SHOC1: variants seen among roughly 807,000 people sequenced by gnomAD.
SHOC1 encodes the protein protein shortage in chiasmata 1 ortholog.
In SHOC1, 136 loss-of-function variants were observed where a neutral mutation model predicts 179.2. The ratio of observed to expected loss-of-function variants is 0.76; its 90% CI spans 0.66 to 0.87. The LOEUF is 0.87. Ranked by LOEUF, SHOC1 falls within the 40% of genes least tolerant of loss-of-function variation. The probability of loss-of-function intolerance (pLI) is 0.00; values close to 1 mark genes in which losing one functional copy is unlikely to be tolerated. For missense variants in SHOC1, 1,538 were observed against 1,700.8 expected (o/e 0.90, Z 1.68); for synonymous variants, 489 against 586.6 (o/e 0.83, Z 2.41).
chr9:111,743,980 C>CT lies in SHOC1; in HGVS notation c.1079+2253dup, dbSNP rs1369485466. Reference sequence around the variant, plus strand: ...TAAAACCATTAGCTAATTTGAAAGCCTTTTTTTTCTAACTTTGCCAAATCG... The same window carrying CT: ...TAAAACCATTAGCTAATTTGAAAGCCTTTTTTTTTCTAACTTTGCCAAATCG... On this transcript the variant is annotated intron_variant, in intron 10 of 27. Transcript: ENST00000682961. Among the ~76,000 whole-genome samples, 13 of 151,942 alleles carry CT rather than the reference C, an allele frequency of 8.6e-5. No individual in the cohort carries two copies. In the East Asian group the frequency reaches 1.9e-3, roughly 23 times the overall value.
At chr9:111,719,614 G>C (rs1474968484) in intron 15 of SHOC1, among the ~76,000 whole-genome samples, 3 of 152,104 alleles carry the variant, frequency 2.0e-5, no homozygotes, top group Admixed American at 6.6e-5. Flanking sequence ...GCTGACAATT[G>C]TTCTTTTCTA....
At chr9:111,763,648 C>T (rs1055451768) in intron 5 of SHOC1, among the ~76,000 whole-genome samples, 4 of 152,118 alleles carry the variant, frequency 2.6e-5, no homozygotes, top group African/African-American at 9.7e-5. Flanking sequence ...CATTCCTATT[C>T]TCAGGAGGCT....
intron 13 of SHOC1, among the ~76,000 whole-genome samples, chr9:111,727,153 G>A (rs1276158516): frequency 6.6e-6 from 1 of 152,136 alleles, no homozygotes; most frequent in African/African-American, 2.4e-5. Context: ...GTGGCTGTAA[G>A]CAGTGAATAT....
chr9:111,693,485 C>T (rs1388262262), intron 26 of SHOC1, among the ~76,000 whole-genome samples: 1 of 149,408 alleles, frequency 6.7e-6, no homozygotes, highest in African/African-American at 2.5e-5. Context: ...TACTTATAAT[C>T]CCAGCTACTT....
chr9:111,716,956 C>T (rs1832820759), intron 16 of SHOC1, among the ~76,000 whole-genome samples: 1 of 152,220 alleles, frequency 6.6e-6, no homozygotes. Context: ...TGTAGTGTCA[C>T]ATGCCCTTTT....
chr9:111,766,040 C>T (rs1360506177), intron 5 of SHOC1, among the ~76,000 whole-genome samples: 2 of 151,902 alleles, frequency 1.3e-5, no homozygotes, highest in Non-Finnish European at 2.9e-5. Context: ...GTTCTTTTTT[C>T]CCCCTCATCC....
chr9:111,785,924 G>A lies in SHOC1; in HGVS notation c.157C>T (p.Pro53Ser), dbSNP rs1836244436. The change falls in exon 3 of 28, where the codon CCA becomes TCA. Residue 53 changes from proline to serine, a missense_variant. Transcript: ENST00000682961. ...AAAACAAACATACCTCTCGTCCATGGCCTCCTAAATTTATTATCAGTAACT... is the reference window on the plus strand; with the variant it reads ...AAAACAAACATACCTCTCGTCCATGACCTCCTAAATTTATTATCAGTAACT... The part of the protein sequence containing the change: ...VAVTDNKFRR[P>S]WTRVSAVSVP... 6.8e-7 allele frequency: 1 copy of A among 1,477,398 alleles called. No homozygotes were observed. The highest frequency in any genetic ancestry group is 2.7e-5 in the East Asian group (1 of 36,738). The allele number at this position is 1,477,398 out of a possible 1,614,324, so 91.5% of individuals were successfully genotyped here. A position where few individuals can be genotyped will look rare whatever the true frequency, so the allele number is the denominator to read the frequency against.
At chr9:111,768,877 GTATGAAGTTAACTATCAT>G (rs1333091945) in intron 5 of SHOC1, among the ~76,000 whole-genome samples, 1 of 122,282 alleles carries the variant, frequency 8.2e-6, no homozygotes, top group African/African-American at 2.6e-5. Flanking sequence ...TTCCCATTCA[GTATGAAGTTAACTATCAT>G]ATATGGCCTT....
intron 5 of SHOC1, among the ~76,000 whole-genome samples, chr9:111,769,447 T>C (rs1835478687): frequency 6.6e-6 from 1 of 152,174 alleles, no homozygotes; most frequent in Admixed American, 6.5e-5. Flanking sequence ...CATTGGTTTG[T>C]TGCGGTTTTC....
chr9:111,733,851 C>T (rs1228254428), intron 12 of SHOC1, among the ~76,000 whole-genome samples: 1 of 146,094 alleles, frequency 6.8e-6, no homozygotes, highest in Non-Finnish European at 1.5e-5. Context: ...GAGCAAGACT[C>T]TGTCTCAAAA....
At position 111,758,829 on chromosome 9, in the gene SHOC1, T is replaced by C. The variant is rs760604398; in HGVS notation, c.462A>G (p.Lys154=). 5 of 1,526,894 alleles carry C rather than the reference T, an allele frequency of 3.3e-6. No individual in the cohort carries two copies. In the South Asian group the frequency reaches 6.0e-5, roughly 18 times the overall value. The allele number at this position is 1,526,894 out of a possible 1,614,324, so 94.6% of individuals were successfully genotyped here. A position where few individuals can be genotyped will look rare whatever the true frequency, so the allele number is the denominator to read the frequency against. The change falls in exon 6 of 28, where the codon AAA becomes AAG. Residue 154 remains lysine, a synonymous_variant. Coordinates refer to ENST00000682961, the MANE Select transcript of SHOC1 (RefSeq NM_001378211.1). ...NQNQDLFIDD[K]GILFVSSRKH... is the part of the protein sequence containing the mutation. ...TTCTACTACTTACAAAAAGTATTCC[T>C]TTATCATCAATAAATAAATCTGAAA...
At chr9:111,697,421 T>C (rs1299825397) in intron 24 of SHOC1, among the ~76,000 whole-genome samples, 1 of 152,132 alleles carries the variant, frequency 6.6e-6, no homozygotes, top group Admixed American at 6.6e-5. Context: ...AATTCCCACC[T>C]ATGAGTGAGA....
intron 5 of SHOC1, among the ~76,000 whole-genome samples, chr9:111,770,078 CT>C (rs145873868): frequency 0.033 from 3,790 of 114,706 alleles, 71 homozygotes; most frequent in Middle Eastern, 0.067. Context: ...GGGGTTTGTT[CT>C]TTCTTTTCTA....
intron 24 of SHOC1, among the ~76,000 whole-genome samples, chr9:111,698,494 G>A (rs1435846653): frequency 1.3e-5 from 2 of 152,206 alleles, no homozygotes; most frequent in South Asian, 2.1e-4. Context: ...TCAAAGATCA[G>A]ATGGTTGTAG....
intron 13 of SHOC1, among the ~76,000 whole-genome samples, chr9:111,724,953 G>C (rs1224790158): frequency 6.6e-6 from 1 of 151,764 alleles, no homozygotes; most frequent in East Asian, 1.9e-4. Flanking sequence ...TTCTGTCCTA[G>C]GTATTACAGA....
chr9:111,774,864 A>C (rs1257741481), intron 5 of SHOC1, among the ~76,000 whole-genome samples: 1 of 152,202 alleles, frequency 6.6e-6, no homozygotes, highest in Admixed American at 6.5e-5. Context: ...TAAGTTCTAT[A>C]ATTTAAAAAA....
chr9:111,778,542 G>T (rs1380500239), intron 4 of SHOC1, among the ~76,000 whole-genome samples: 1 of 152,126 alleles, frequency 6.6e-6, no homozygotes, highest in Non-Finnish European at 1.5e-5. Flanking sequence ...GCTGTGGTGG[G>T]TGCATCACCT....
At chr9:111,729,290 G>C (rs989382596) in intron 12 of SHOC1, among the ~76,000 whole-genome samples, 1 of 140,452 alleles carries the variant, frequency 7.1e-6, no homozygotes, top group Non-Finnish European at 1.6e-5. Flanking sequence ...TTATTTTTAG[G>C]AGAGACAAAG....
chr9:111,735,657 G>A (rs1833782878), intron 12 of SHOC1, among the ~76,000 whole-genome samples: 3 of 152,156 alleles, frequency 2.0e-5, no homozygotes, highest in African/African-American at 7.2e-5. Flanking sequence ...ACGTGTGCAT[G>A]TGTCTTTATA....
Sources: allele counts gnomAD v4.1 joint callset (sites outside exome capture counted in the v4.1 genomes callset), GRCh38; gene constraint gnomAD v4.1.1; transcripts MANE v1.5; gene names NCBI Gene and HGNC (gene_info 2026-07-23, HGNC 2026-07-21).